Variants in NLRX1 observed in about 807,000 individuals in gnomAD.
The protein encoded by NLRX1 is NLR family member X1, also known as NOD-like receptor X1.
In NLRX1, 67 loss-of-function variants were observed where a neutral mutation model predicts 74.2. That is an observed-to-expected ratio of 0.90 (90% CI 0.74 to 1.11). NLRX1 has a LOEUF of 1.11. Among genes scored for constraint, NLRX1 ranks in the 50% least tolerant of loss-of-function variants. NLRX1 has a pLI of 0.00. For synonymous variants in NLRX1, 506 were observed against 559.1 expected (o/e 0.91, Z 1.34); for missense variants, 1,191 against 1,305.4 (o/e 0.91, Z 1.35).
Position 119,183,614 on chromosome 11 carries a change from G to A in NLRX1, c.*175G>A. ...GCATGTTTGACCAGGACTGAGTCTGGAATCTCCAAGTTAAAGATGGTGAAT... is the reference window on the plus strand; with the variant it reads ...GCATGTTTGACCAGGACTGAGTCTGAAATCTCCAAGTTAAAGATGGTGAAT... On this transcript the variant is annotated 3_prime_UTR_variant, in exon 10 of 10. Coordinates refer to ENST00000409109, the MANE Select transcript of NLRX1 (RefSeq NM_001282144.2). The surrounding 1 kb of genome is among the most constrained non-coding windows in gnomAD (Gnocchi z 5.7). 2.8e-6 allele frequency: 2 copies of A among 724,832 alleles called. No individual in the cohort carries two copies. The highest frequency in any genetic ancestry group is 4.9e-6 in the Non-Finnish European group (2 of 404,404). 44.9% of individuals were successfully genotyped at this position (724,832 alleles called of 1,614,324 possible).
At chr11:119,171,568 G>A (rs1948549524) in intron 2 of NLRX1, 95 bp downstream of exon 2, 4 of 848,766 alleles carry the variant, frequency 4.7e-6, no homozygotes, top group African/African-American at 1.7e-5. Flanking sequence ...GACACCAGGT[G>A]CACTAGTCTC....
intron 8 of NLRX1, among the ~76,000 whole-genome samples, chr11:119,181,772 G>A (rs1277224998): frequency 6.6e-6 from 1 of 152,034 alleles, no homozygotes; most frequent in Non-Finnish European, 1.5e-5. Flanking sequence ...CTGTGGAGGG[G>A]GTGAAAAAGG....
chr11:119,180,182 G>C lies in NLRX1; in HGVS notation c.2161G>C (p.Gly721Arg). The C allele has an allele frequency of 6.2e-7, 1 of 1,612,998 alleles. No homozygotes were observed. Among genetic ancestry groups the C allele is most frequent in the Non-Finnish European group, 8.5e-7 (1 of 1,179,422 alleles). The change falls in exon 7 of 10, where the codon GGC becomes CGC. Residue 721 changes from glycine to arginine, a missense_variant. By Grantham distance (125) the Gly-to-Arg change is moderately radical. Transcript: ENST00000409109. ...VKCTVVAAVL[G>R]SGRHALDEVN... ...GTGCACAGTGGTGGCAGCTGTGCTG[G>C]GCAGCGGAAGGCATGCCCTGGATGA... is the stretch of plus-strand genomic sequence containing the variant.
rs1309751385 is a variant in NLRX1, at chr11:119,183,473, C to T, written c.*34C>T. The T allele has an allele frequency of 1.2e-5, 19 of 1,582,500 alleles. No individual in the cohort carries two copies. Among genetic ancestry groups the T allele is most frequent in the South Asian group, 2.2e-5 (2 of 89,400 alleles). ...CGGCAGGCACCTAGCTATGTGACCA[C>T]TGGCCCTAAACCTTTTCCCTCTGTG... On this transcript the variant is annotated 3_prime_UTR_variant, in exon 10 of 10. Coordinates refer to ENST00000409109, the MANE Select transcript of NLRX1 (RefSeq NM_001282144.2). This position sits in a 1 kb window ranked among gnomAD's most constrained non-coding sequence, Gnocchi z 5.7.
At position 119,179,700 on chromosome 11, in the gene NLRX1, C is replaced by T. The variant is rs1565832714; in HGVS notation, c.1679C>T (p.Pro560Leu). 1 of 1,593,432 alleles carries T rather than the reference C, an allele frequency of 6.3e-7. No individual in the cohort carries two copies. Among genetic ancestry groups the T allele is most frequent in the Non-Finnish European group, 8.6e-7 (1 of 1,168,582 alleles). ...CCCCTGCTTCTTTTTCAGGTGGTTC[C>T]ACGAGTGTTTGGGCGCATGGTGGGT... is the stretch of plus-strand genomic sequence containing the variant. ...PLLFNLIKVV[P>L]RVFGRMVGKS... The change falls in exon 7 of 10, where the codon CCA (proline) becomes CTA (leucine). Residue 560 changes from proline to leucine, a missense_variant. Coordinates refer to ENST00000409109, the MANE Select transcript of NLRX1 (RefSeq NM_001282144.2).
rs541021519 is a variant in NLRX1, at chr11:119,172,998, ACTGGCTGGGACC to A, written c.229+14_229+25del. 1,573 of 1,609,402 alleles carry A rather than the reference ACTGGCTGGGACC, an allele frequency of 9.8e-4. 28 individuals are homozygous for A. The East Asian group carries it at 0.027, about 27-fold the overall frequency. Reference sequence around the variant, plus strand: ...CAGCGCCTCTGCAACTGGTAAAGGGACTGGCTGGGACCCTGGTCAGGGGGTGTGGTGGGCAGA... The same window carrying A: ...CAGCGCCTCTGCAACTGGTAAAGGGACTGGTCAGGGGGTGTGGTGGGCAGA... On this transcript the variant is annotated intron_variant, in intron 4 of 9. Transcript: ENST00000409109.
rs958821647 is a variant in NLRX1, at chr11:119,182,238, C to G, written c.2499C>G (p.Arg833=). ...AGCTGCTGGCTGCCCAGCTGGACCG[C>G]AACCGGCAGCTGCAGGAGCTGAACG... is the stretch of plus-strand genomic sequence containing the variant. ...GLELLAAQLD[R]NRQLQELNVA... The change falls in exon 9 of 10, where the codon CGC becomes CGG. Residue 833 remains arginine, a synonymous_variant. Transcript: ENST00000409109. 64 of 1,613,782 alleles carry G rather than the reference C, an allele frequency of 4.0e-5. No individual in the cohort carries two copies. In the Admixed American group the frequency reaches 1.1e-3, roughly 26 times the overall value.
chr11:119,181,115 C>A, intron 7 of NLRX1, 56 bp from the exon 8 acceptor site: 2 of 1,221,342 alleles, frequency 1.6e-6, no homozygotes, highest in African/African-American at 1.5e-5. Flanking sequence ...GGACAGACTG[C>A]CTGCTGAATT....
intron 3 of NLRX1, 48 bp from the exon 4 acceptor site, chr11:119,172,853 G>T: frequency 7.2e-7 from 1 of 1,395,946 alleles, no homozygotes; most frequent in Non-Finnish European, 1.0e-6. Flanking sequence ...CTGTGAAGGG[G>T]CTGATCCAAG....
chr11:119,183,432 G>A lies in NLRX1; in HGVS notation c.2921G>A (p.Gly974Glu). 1 of 1,611,270 alleles carries A rather than the reference G, an allele frequency of 6.2e-7. No individual in the cohort carries two copies. The highest frequency in any genetic ancestry group is 8.5e-7 in the Non-Finnish European group (1 of 1,179,262). ...CTCCTGGAGCAGCTGGGAAGCTCTG[G>A]AAGCTGAGACACTGGCGGCAGGCAC... ...RALLEQLGSS[G>E]S The change falls in exon 10 of 10, where the codon GGA becomes GAA. Residue 974 changes from glycine to glutamate, a missense_variant. Gly to Glu is a moderately conservative substitution (Grantham distance 98). Transcript: ENST00000409109. The surrounding 1 kb of genome is among the most constrained non-coding windows in gnomAD (Gnocchi z 5.7).
Position 119,179,739 on chromosome 11 carries a change from C to T in NLRX1, c.1718C>T (p.Ala573Val), listed in dbSNP as rs1357891730. 10 of 1,611,286 alleles carry T rather than the reference C, an allele frequency of 6.2e-6. No individual in the cohort carries two copies. Among genetic ancestry groups the T allele is most frequent in the South Asian group, 5.5e-5 (5 of 90,974 alleles). Residue 573 changes from alanine to valine, a missense_variant, in exon 7 of 10, where the codon GCG (alanine) becomes GTG (valine). Physicochemically the swap from Ala to Val is moderately conservative, Grantham distance 64. Coordinates refer to ENST00000409109, the MANE Select transcript of NLRX1 (RefSeq NM_001282144.2). Reference sequence around the variant, plus strand: ...CGCATGGTGGGTAAAAGCCGGGAGGCGGTGGCTCAGGCCATGGTGCTGGAG... The same window carrying T: ...CGCATGGTGGGTAAAAGCCGGGAGGTGGTGGCTCAGGCCATGGTGCTGGAG... The part of the protein sequence containing the change: ...FGRMVGKSRE[A>V]VAQAMVLEMF...
At chr11:119,174,227 G>T (rs1326642438) in intron 5 of NLRX1, 129 bp downstream of exon 5, 1 of 1,250,260 alleles carries the variant, frequency 8.0e-7, no homozygotes, top group Non-Finnish European at 1.1e-6. Flanking sequence ...AACTTCCCCA[G>T]CCTTCTGTTC....
chr11:119,174,589 C>T lies in NLRX1; in HGVS notation c.986C>T (p.Pro329Leu), dbSNP rs200075469. 9.9e-6 allele frequency: 16 copies of T among 1,614,180 alleles called. No individual in the cohort carries two copies. The highest frequency in any genetic ancestry group is 6.7e-5 in the African/African-American group (5 of 75,062). The part of the protein sequence containing the change: ...KLYFQLRLNQ[P>L]YCGYAVGGSG... ...TACTTCCAGCTCCGCCTCAACCAGC[C>T]GTACTGCGGGTATGCCGTTGGCGGT... The change falls in exon 6 of 10, where the codon CCG (proline) becomes CTG (leucine). Residue 329 changes from proline to leucine, a missense_variant. By Grantham distance (98) the Pro-to-Leu change is moderately conservative (BLOSUM62 -3). Coordinates refer to ENST00000409109, the MANE Select transcript of NLRX1 (RefSeq NM_001282144.2).
rs765436586 is a variant in NLRX1, at chr11:119,173,525, G to A, written c.276G>A (p.Arg92=). 8 of 1,613,952 alleles carry A rather than the reference G, an allele frequency of 5.0e-6. No homozygotes were observed. The highest frequency in any genetic ancestry group is 6.8e-6 in the Non-Finnish European group (8 of 1,180,048). ...HRRNLAEWFS[R]LPREERQFGP... is the part of the protein sequence containing the mutation. The stretch of plus-strand genomic sequence containing the variant: ...GGAACCTGGCTGAGTGGTTCAGCCG[G>A]CTGCCCAGGGAGGAGCGCCAGTTTG... Residue 92 remains arginine (R), a synonymous_variant, in exon 5 of 10, where the codon CGG becomes CGA. Coordinates refer to ENST00000409109, the MANE Select transcript of NLRX1 (RefSeq NM_001282144.2). The surrounding 1 kb of genome is among the most constrained non-coding windows in gnomAD (Gnocchi z 4.0).
At chr11:119,179,038 G>A (rs555103637) in intron 6 of NLRX1, among the ~76,000 whole-genome samples, 2 of 152,262 alleles carry the variant, frequency 1.3e-5, no homozygotes, top group South Asian at 4.1e-4. Context: ...GAAAAAAGCC[G>A]AAAGGGCAGG....
At chr11:119,171,311 G>A in intron 1 of NLRX1, 45 bp from the exon 2 acceptor site, 1 of 1,393,444 alleles carries the variant, frequency 7.2e-7, no homozygotes, top group Non-Finnish European at 1.0e-6. Context: ...AGGGGTGCAG[G>A]GGAGGAGTGG....
chr11:119,183,176 G>A lies in NLRX1; in HGVS notation c.2665G>A (p.Ala889Thr). Reference sequence around the variant, plus strand: ...CCAGGTCTTGCGAGACTTGGGGGGTGCTGCTGAAGGTGGTGCCCGGGTGGT... The same window carrying A: ...CCAGGTCTTGCGAGACTTGGGGGGTACTGCTGAAGGTGGTGCCCGGGTGGT... ...GRQVLRDLGG[A>T]AEGGARVVVS... The change falls in exon 10 of 10, where the codon GCT becomes ACT. Residue 889 changes from alanine to threonine, a missense_variant. Physicochemically the swap from Ala to Thr is moderately conservative, Grantham distance 58 (BLOSUM62 0). Coordinates refer to ENST00000409109, the MANE Select transcript of NLRX1 (RefSeq NM_001282144.2). The surrounding 1 kb of genome is among the most constrained non-coding windows in gnomAD (Gnocchi z 5.7). The A allele has an allele frequency of 1.2e-6, 2 of 1,614,234 alleles. No individual in the cohort carries two copies. The highest frequency in any genetic ancestry group is 2.2e-5 in the East Asian group (1 of 44,882).
At position 119,174,742 on chromosome 11, in the gene NLRX1, C is replaced by G; in HGVS notation, c.1139C>G (p.Thr380Ser). 6.2e-7 allele frequency: 1 copy of G among 1,613,816 alleles called. No homozygotes were observed. The highest frequency in any genetic ancestry group is 8.5e-7 in the Non-Finnish European group (1 of 1,180,046). The change falls in exon 6 of 10, where the codon ACC becomes AGC. Residue 380 changes from threonine to serine, a missense_variant. Thr to Ser is a moderately conservative substitution (Grantham distance 58). Coordinates refer to ENST00000409109, the MANE Select transcript of NLRX1 (RefSeq NM_001282144.2). Reference protein sequence around the residue: ...LPSYCWLVCATLHFLHAPTPA... With the variant: ...LPSYCWLVCASLHFLHAPTPA... The stretch of plus-strand genomic sequence containing the variant: ...TCCTATTGCTGGCTCGTTTGTGCCA[C>G]CTTGCACTTCCTGCATGCCCCCACG...
chr11:119,170,803 G>C (rs1948522064), intron 1 of NLRX1, among the ~76,000 whole-genome samples: 1 of 152,208 alleles, frequency 6.6e-6, no homozygotes, highest in Admixed American at 6.5e-5. Flanking sequence ...GTTTACCAGG[G>C]TGGAACTCAG....
Sources: gnomAD v4.1 joint callset for allele counts (sites outside exome capture counted in the v4.1 genomes callset) on GRCh38, gnomAD v4.1.1 for gene constraint, Gnocchi (gnomAD v3.1) non-coding constraint, MANE v1.5 for transcripts, NCBI Gene and HGNC (gene_info 2026-07-23, HGNC 2026-07-21) for gene names.